Variants in NUDT16 observed in about 807,000 individuals in gnomAD.
The protein encoded by NUDT16 is nudix hydrolase 16, also known as U8 snoRNA-decapping enzyme.
A neutral mutation model predicts 11.7 loss-of-function variants in NUDT16; 12 were observed. The ratio of observed to expected loss-of-function variants is 1.03; its 90% CI spans 0.66 to 1.67. The LOEUF is 1.67. Among genes scored for constraint, NUDT16 ranks in the 40% most tolerant of loss-of-function variants. The probability of loss-of-function intolerance (pLI) is 0.00; values close to 1 mark genes in which losing one functional copy is unlikely to be tolerated. For synonymous variants in NUDT16, 129 were observed against 122.6 expected, an observed-to-expected ratio of 1.05 and a Z score of -0.35; for missense variants, 303 against 268.9, an observed-to-expected ratio of 1.13 and a Z score of -0.89.
At position 131,383,039 on chromosome 3, in the gene NUDT16, T is replaced by G; in HGVS notation, c.409-123T>G. Reference sequence around the variant, plus strand: ...TGGGCCACTAGGCTTTAGTGAGGTGTGAGCCTTGGGCCTGGTTCTGCTGGA... The same window carrying G: ...TGGGCCACTAGGCTTTAGTGAGGTGGGAGCCTTGGGCCTGGTTCTGCTGGA... On this transcript the variant is annotated intron_variant, in intron 2 of 2. Transcript: ENST00000521288. This position sits in a 1 kb window ranked among gnomAD's most constrained non-coding sequence, Gnocchi z 4.4. 1.8e-6 allele frequency: 2 copies of G among 1,085,842 alleles called. No individual in the cohort carries two copies. The highest frequency in any genetic ancestry group is 2.7e-6 in the Non-Finnish European group (2 of 746,984). The allele number at this position is 1,085,842 out of a possible 1,614,324, so 67.3% of individuals were successfully genotyped here. A position where few individuals can be genotyped will look rare whatever the true frequency, so the allele number is the denominator to read the frequency against.
rs2097461245 is a variant in NUDT16, at chr3:131,388,378, A to G, written c.*5037A>G. On this transcript the variant is annotated 3_prime_UTR_variant, in exon 3 of 3. Coordinates refer to ENST00000521288, the MANE Select transcript of NUDT16 (RefSeq NM_152395.3). ...GAGGAAACAGGACAAAAACTTCCCT[A>G]AACTCAAGATACTACACCAGAAGTG... The G allele has an allele frequency of 6.6e-6, 1 of 152,234 alleles. No individual in the cohort carries two copies. Among genetic ancestry groups the G allele is most frequent in the Non-Finnish European group, 1.5e-5 (1 of 68,036 alleles). The allele number at this position is 152,234 out of a possible 1,614,324, so 9.4% of individuals were successfully genotyped here.
rs3749390 is a variant in NUDT16 at position 131,385,828 on chromosome 3, C to A, written c.*2487C>A. ...ATCTGTGCTTTGTGCACTTGGTTCTCAGTCATCTCTGCAAGGGACCCTGAC... is the reference window on the plus strand; with the variant it reads ...ATCTGTGCTTTGTGCACTTGGTTCTAAGTCATCTCTGCAAGGGACCCTGAC... On this transcript the variant is annotated 3_prime_UTR_variant, in exon 3 of 3. Transcript: ENST00000521288. The A allele has an allele frequency of 0.1, 15,681 of 152,310 alleles. 1,396 individuals carry two copies. The highest frequency in any genetic ancestry group is 0.3 in the East Asian group (1,529 of 5,162). The allele number at this position is 152,310 out of a possible 1,614,324, so 9.4% of individuals were successfully genotyped here. A position where few individuals can be genotyped will look rare whatever the true frequency, so the allele number is the denominator to read the frequency against.
At chr3:131,382,371 T>A in intron 2 of NUDT16, 56 bp downstream of exon 2, 1 of 1,606,298 alleles carries the variant, frequency 6.2e-7, no homozygotes, top group Non-Finnish European at 8.5e-7. Flanking sequence ...CCCAAAGCTT[T>A]CTCTCCCCCA....
rs553196533 is a variant in NUDT16 at position 131,384,106 on chromosome 3, C to G, written c.*765C>G. The G allele has an allele frequency of 6.6e-6, 1 of 152,364 alleles. No individual in the cohort carries two copies. Among genetic ancestry groups the G allele is most frequent in the South Asian group, 2.1e-4 (1 of 4,828 alleles). 9.4% of individuals were successfully genotyped at this position (152,364 alleles called of 1,614,324 possible). On this transcript the variant is annotated 3_prime_UTR_variant, in exon 3 of 3. Coordinates refer to ENST00000521288, the MANE Select transcript of NUDT16 (RefSeq NM_152395.3). ...CCCCAGTCTAGCACCACCCTGCCTT[C>G]ACTTCATCTACATAAAGGTGGTATA...
chr3:131,386,861 G>T lies in NUDT16; in HGVS notation c.*3520G>T, dbSNP rs2097460245. 6.6e-6 allele frequency: 1 copy of T among 152,202 alleles called. No homozygotes were observed. The highest frequency in any genetic ancestry group is 1.9e-4 in the East Asian group (1 of 5,194). The allele number at this position is 152,202 out of a possible 1,614,324, so 9.4% of individuals were successfully genotyped here. ...CCTTTCCTAGTTACCGGAACCCTTAGAGCTGGGAGCCGGCCAGTGAAACAG... is the reference window on the plus strand; with the variant it reads ...CCTTTCCTAGTTACCGGAACCCTTATAGCTGGGAGCCGGCCAGTGAAACAG... On this transcript the variant is annotated 3_prime_UTR_variant, in exon 3 of 3. Coordinates refer to ENST00000521288, the MANE Select transcript of NUDT16 (RefSeq NM_152395.3).
In NUDT16 at chr3:131,385,199, T is replaced by G. The variant is rs919269370; in HGVS notation, c.*1858T>G. On this transcript the variant is annotated 3_prime_UTR_variant, in exon 3 of 3. Transcript: ENST00000521288. ...TGACAAGATAGAAACTCCAGCATGG[T>G]GAGGGGTTGGGCAGGGAGGTATATT... 3 of 151,880 alleles carry G rather than the reference T, an allele frequency of 2.0e-5. No homozygotes were observed. The highest frequency in any genetic ancestry group is 6.6e-5 in the Admixed American group (1 of 15,244). 9.4% of individuals were successfully genotyped at this position (151,880 alleles called of 1,614,324 possible).
In NUDT16 at chr3:131,382,290, C is replaced by G; in HGVS notation, c.383C>G (p.Thr128Arg). Residue 128 changes from threonine to arginine, a missense_variant, in exon 2 of 3, where the codon ACA becomes AGA. Thr to Arg is a moderately conservative substitution (Grantham distance 71). Coordinates refer to ENST00000521288, the MANE Select transcript of NUDT16 (RefSeq NM_152395.3). ...CTGTTGGCTGTGGAGGCCGGCGCAA[C>G]ACGCGCCAAGGACCACGGGCTGGAG... ...EELLAVEAGA[T>R]RAKDHGLEVL... The G allele has an allele frequency of 1.2e-6, 2 of 1,612,880 alleles. No homozygotes were observed. Among genetic ancestry groups the G allele is most frequent in the Non-Finnish European group, 1.7e-6 (2 of 1,179,954 alleles).
In NUDT16 at chr3:131,382,123, G is replaced by T. The variant is rs757560371; in HGVS notation, c.216G>T (p.Gly72=). The T allele has an allele frequency of 4.3e-6, 7 of 1,611,014 alleles. No individual in the cohort carries two copies. In the East Asian group the frequency reaches 1.1e-4, roughly 26 times the overall value. Residue 72 remains glycine, a synonymous_variant, in exon 2 of 3, where the codon GGG becomes GGT. Coordinates refer to ENST00000521288, the MANE Select transcript of NUDT16 (RefSeq NM_152395.3). ...CGCAGGACAGAAGCCTAGAGGACGG[G>T]CTGAACCGCGAGCTGCGCGAGGAGC... ...VDTQDRSLED[G]LNRELREELG...
chr3:131,381,755 G>A, upstream of NUDT16: 1 of 1,524,370 alleles, frequency 6.6e-7, no homozygotes, highest in East Asian at 2.5e-5. Flanking sequence ...GGTGAGACCC[G>A]CCCCTCTGCC....
At chr3:131,381,765 C>G, upstream of NUDT16, 2 of 1,532,254 alleles carry the variant, frequency 1.3e-6, no homozygotes, top group South Asian at 1.2e-5. Flanking sequence ...GCCCCTCTGC[C>G]CATTGGGCCT....
At position 131,381,894 on chromosome 3, in the gene NUDT16, G is replaced by A. The variant is rs759547089; in HGVS notation, c.90G>A (p.Pro30=). 5 of 1,610,420 alleles carry A rather than the reference G, an allele frequency of 3.1e-6. No homozygotes were observed. The highest frequency in any genetic ancestry group is 4.2e-6 in the Non-Finnish European group (5 of 1,179,610). The part of the protein sequence containing the change: ...RHACHALLYA[P]DPGMLFGRIP... Reference sequence around the variant, plus strand: ...CGTGCCACGCTCTCCTCTACGCGCCGGACCCTGGGATGCTCTTCGGCCGCA... The same window carrying A: ...CGTGCCACGCTCTCCTCTACGCGCCAGACCCTGGGATGCTCTTCGGCCGCA... The change falls in exon 1 of 3, where the codon CCG becomes CCA. Residue 30 remains proline (P), a synonymous_variant. Transcript: ENST00000521288.
intron 1 of NUDT16, 44 bp downstream of exon 1, chr3:131,381,986 A>G (rs2097455649): frequency 1.9e-6 from 3 of 1,594,642 alleles, no homozygotes; most frequent in Non-Finnish European, 2.6e-6. Flanking sequence ...TGAGCCCCGC[A>G]CCCTCTCTGG....
chr3:131,381,695 CCCTGCAGGGATTGGG>C (rs2097455133), upstream of NUDT16: 3 of 1,239,830 alleles, frequency 2.4e-6, no homozygotes, highest in Non-Finnish European at 3.3e-6. Flanking sequence ...CTCCCCTTAT[CCCTGCAGGGATTGGG>C]CCTTGCAGCA....
chr3:131,381,748 G>A, upstream of NUDT16: 3 of 1,520,410 alleles, frequency 2.0e-6, no homozygotes, highest in East Asian at 4.9e-5. Context: ...GGTCCGAGGT[G>A]AGACCCGCCC....
At position 131,382,328 on chromosome 3, in the gene NUDT16, T is replaced by C. The variant is rs1473177658; in HGVS notation, c.408+13T>C. ...CCACGGGCTGGAGGTGGGACCAGCC[T>C]GGGACTCTGTCCCTTTCCCAATTTC... On this transcript the variant is annotated intron_variant, in intron 2 of 2. Transcript: ENST00000521288. 2 of 1,612,568 alleles carry C rather than the reference T, an allele frequency of 1.2e-6. No individual in the cohort carries two copies. Among genetic ancestry groups the C allele is most frequent in the African/African-American group, 2.7e-5 (2 of 74,960 alleles).
Position 131,388,461 on chromosome 3 carries a change from G to GT in NUDT16, c.*5126dup, listed in dbSNP as rs1398415091. On this transcript the variant is annotated 3_prime_UTR_variant, in exon 3 of 3. Coordinates refer to ENST00000521288, the MANE Select transcript of NUDT16 (RefSeq NM_152395.3). Reference sequence around the variant, plus strand: ...GATAAAAACTAAAAAGCATCAGACTGTTTTTTGTGTGAAGGAAATTTGTAA... The same window carrying GT: ...GATAAAAACTAAAAAGCATCAGACTGTTTTTTTGTGTGAAGGAAATTTGTAA... 1 of 152,208 alleles carries GT rather than the reference G, an allele frequency of 6.6e-6. No individual in the cohort carries two copies. The highest frequency in any genetic ancestry group is 1.9e-4 in the East Asian group (1 of 5,196). 9.4% of individuals were successfully genotyped at this position (152,208 alleles called of 1,614,324 possible). A position where few individuals can be genotyped will look rare whatever the true frequency, so the allele number is the denominator to read the frequency against.
At position 131,383,136 on chromosome 3, in the gene NUDT16, T is replaced by C. The variant is rs779694645; in HGVS notation, c.409-26T>C. On this transcript the variant is annotated intron_variant, in intron 2 of 2. Coordinates refer to ENST00000521288, the MANE Select transcript of NUDT16 (RefSeq NM_152395.3). This position sits in a 1 kb window ranked among gnomAD's most constrained non-coding sequence, Gnocchi z 4.4. Reference sequence around the variant, plus strand: ...GGGAATGAGCCACCTGGGGCCCTAGTGTCTCCTGTCTCCTTCCTTTTACAG... The same window carrying C: ...GGGAATGAGCCACCTGGGGCCCTAGCGTCTCCTGTCTCCTTCCTTTTACAG... The C allele has an allele frequency of 2.2e-5, 35 of 1,603,386 alleles. No individual in the cohort carries two copies. Among genetic ancestry groups the C allele is most frequent in the Non-Finnish European group, 2.8e-5 (33 of 1,174,516 alleles).
In NUDT16 at chr3:131,382,610, A is replaced by C. The variant is rs563497944; in HGVS notation, c.408+295A>C. 170 of 1,491,824 alleles carry C rather than the reference A, an allele frequency of 1.1e-4. 1 individual carries two copies. Among genetic ancestry groups the C allele is most frequent in the Middle Eastern group, 1.7e-4 (1 of 5,728 alleles). 92.4% of individuals were successfully genotyped at this position (1,491,824 alleles called of 1,614,324 possible). On this transcript the variant is annotated intron_variant, in intron 2 of 2. Transcript: ENST00000521288. The stretch of plus-strand genomic sequence containing the variant: ...AGTGTGATAGATTATCACATTATCT[A>C]GGTGTGGCAACCTAGGTTTTATTCT...
Position 131,385,078 on chromosome 3 carries a change from G to C in NUDT16, c.*1737G>C, listed in dbSNP as rs996653134. 1 of 152,220 alleles carries C rather than the reference G, an allele frequency of 6.6e-6. No individual in the cohort carries two copies. The highest frequency in any genetic ancestry group is 1.5e-5 in the Non-Finnish European group (1 of 68,066). 9.4% of individuals were successfully genotyped at this position (152,220 alleles called of 1,614,324 possible). ...TCAGAAGACATACACAGGAGAAATT[G>C]TAGTGATGAAATGTGCAGTCTAAGG... is the stretch of plus-strand genomic sequence containing the variant. On this transcript the variant is annotated 3_prime_UTR_variant, in exon 3 of 3. Coordinates refer to ENST00000521288, the MANE Select transcript of NUDT16 (RefSeq NM_152395.3).
Sources: gnomAD v4.1 joint callset for allele counts on GRCh38, gnomAD v4.1.1 for gene constraint, Gnocchi (gnomAD v3.1) non-coding constraint, MANE v1.5 for transcripts, NCBI Gene and HGNC (gene_info 2026-07-23, HGNC 2026-07-21) for gene names.